Variants in SPECC1L observed in about 807,000 individuals in gnomAD.
The protein encoded by SPECC1L is sperm antigen with calponin homology and coiled-coil domains 1 like.
SPECC1L carries 40 observed loss-of-function variants against 116.8 expected under a neutral mutation model. The ratio of observed to expected loss-of-function variants is 0.34; its 90% CI spans 0.27 to 0.45. The LOEUF is 0.45. Ranked by LOEUF, SPECC1L falls within the 20% of genes least tolerant of loss-of-function variation. The pLI is 1.00. For missense variants in SPECC1L, 1,110 were observed against 1,373.6 expected, an observed-to-expected ratio of 0.81 and a Z score of 3.03; for synonymous variants, 504 against 500.6, an observed-to-expected ratio of 1.01 and a Z score of -0.09.
At chr22:24,355,446 C>T (rs774281950) in intron 11 of SPECC1L, among the ~76,000 whole-genome samples, 5 of 147,104 alleles carry the variant, frequency 3.4e-5, no homozygotes, top group African/African-American at 7.9e-5. Context: ...TGTCTGTCTA[C>T]CTACCTATCC....
chr22:24,377,616 C>T (rs1010345613), intron 14 of SPECC1L, among the ~76,000 whole-genome samples: 5 of 152,186 alleles, frequency 3.3e-5, no homozygotes, highest in Non-Finnish European at 5.9e-5. Flanking sequence ...AGAGGCAAGA[C>T]CCCATAGTTT....
At position 24,369,314 on chromosome 22, in the gene SPECC1L, C is replaced by T. The variant is rs1021029632; in HGVS notation, c.3081C>T (p.Gly1027=). Residue 1027 remains glycine, a synonymous_variant, in exon 14 of 17, where the codon GGC becomes GGT. Transcript: ENST00000314328. ...LLKWCQKKTE[G]YQNIDITNFS... is the part of the protein sequence containing the mutation. ...AGTGGTGTCAGAAGAAAACAGAAGG[C>T]TATCAGGTAATCATATGATTCTTTT... 2.5e-6 allele frequency: 4 copies of T among 1,611,352 alleles called. No homozygotes were observed. In the Admixed American group the frequency reaches 6.7e-5, roughly 27 times the overall value.
chr22:24,412,488 G>A, intron 15 of SPECC1L, 160 bp from the exon 16 acceptor site: 2 of 718,770 alleles, frequency 2.8e-6, no homozygotes, highest in Non-Finnish European at 5.0e-6. Flanking sequence ...AGGGTACTTG[G>A]TGCAGATGCA....
intron 13 of SPECC1L, among the ~76,000 whole-genome samples, chr22:24,366,561 T>TA (rs2041770580): frequency 6.6e-6 from 1 of 152,106 alleles, no homozygotes; most frequent in African/African-American, 2.4e-5. Context: ...GTAAATAAAT[T>TA]ATCATGTCTG....
intron 4 of SPECC1L, among the ~76,000 whole-genome samples, chr22:24,314,560 C>CT (rs1569416528): frequency 6.6e-6 from 1 of 152,106 alleles, no homozygotes; most frequent in Non-Finnish European, 1.5e-5. Context: ...CTTAAATCTT[C>CT]TTTTTTAAAA....
intron 6 of SPECC1L, among the ~76,000 whole-genome samples, chr22:24,327,719 C>T (rs905331663): frequency 6.6e-6 from 1 of 152,140 alleles, no homozygotes; most frequent in South Asian, 2.1e-4. Flanking sequence ...TTAGCTGGCA[C>T]ATTTATAAAT....
chr22:24,275,244 A>G (rs1278419258), intron 1 of SPECC1L, among the ~76,000 whole-genome samples: 2 of 152,258 alleles, frequency 1.3e-5, no homozygotes, highest in Non-Finnish European at 2.9e-5. Flanking sequence ...GTGCTGGTAC[A>G]GTGCTGGGCA....
At chr22:24,281,106 T>C (rs2048934846) in intron 2 of SPECC1L, among the ~76,000 whole-genome samples, 1 of 152,226 alleles carries the variant, frequency 6.6e-6, no homozygotes, top group African/African-American at 2.4e-5. Context: ...GAAACCATTT[T>C]TGTAATGTAA....
At chr22:24,281,587 A>G (rs1275868074) in intron 2 of SPECC1L, among the ~76,000 whole-genome samples, 2 of 152,208 alleles carry the variant, frequency 1.3e-5, no homozygotes, top group Non-Finnish European at 2.9e-5. Context: ...GTGAATTTCA[A>G]CTTCCCATTA....
At chr22:24,317,059 GA>G (rs1472850704) in intron 4 of SPECC1L, among the ~76,000 whole-genome samples, 1 of 122,030 alleles carries the variant, frequency 8.2e-6, no homozygotes, top group Non-Finnish European at 1.9e-5. Context: ...CTCCCTCCCG[GA>G]GGGGGTGGCT....
intron 14 of SPECC1L, among the ~76,000 whole-genome samples, chr22:24,383,299 A>G (rs1569443318): frequency 6.6e-6 from 1 of 152,206 alleles, no homozygotes. Context: ...AGGCATGACC[A>G]GGCACAGTGG....
At chr22:24,333,675 A>G (rs1435560707) in intron 8 of SPECC1L, among the ~76,000 whole-genome samples, 1 of 151,944 alleles carries the variant, frequency 6.6e-6, no homozygotes, top group Non-Finnish European at 1.5e-5. Context: ...GAGCCAGTAT[A>G]AATTAATATT....
At chr22:24,311,490 T>G (rs1331419083) in intron 3 of SPECC1L, among the ~76,000 whole-genome samples, 1 of 152,158 alleles carries the variant, frequency 6.6e-6, no homozygotes, top group Admixed American at 6.5e-5. Context: ...GGCCAGTTTT[T>G]GTGAACAGAA....
chr22:24,412,566 A>G, intron 15 of SPECC1L, 82 bp from the exon 16 acceptor site: 2 of 1,307,276 alleles, frequency 1.5e-6, no homozygotes, highest in South Asian at 2.4e-5. Flanking sequence ...CTTCAGATGC[A>G]TCTGTCCCAG....
intron 10 of SPECC1L, among the ~76,000 whole-genome samples, chr22:24,342,340 G>A (rs1401653115): frequency 6.6e-6 from 1 of 152,162 alleles, no homozygotes; most frequent in Non-Finnish European, 1.5e-5. Flanking sequence ...GTGAAGGGAA[G>A]CATGCACAGA....
chr22:24,295,059 A>C (rs530889051), intron 2 of SPECC1L, among the ~76,000 whole-genome samples: 1 of 151,638 alleles, frequency 6.6e-6, no homozygotes, highest in Non-Finnish European at 1.5e-5. Flanking sequence ...AAGTAAAGGA[A>C]ACTCTGGAGC....
At position 24,313,467 on chromosome 22, in the gene SPECC1L, G is replaced by A. The variant is rs778657478; in HGVS notation, c.307+1G>A. ...GAGAACAAATCCAAGATTAGCACAGGTAACGGTGACATTCAGTCTGAGACT... is the reference window on the plus strand; with the variant it reads ...GAGAACAAATCCAAGATTAGCACAGATAACGGTGACATTCAGTCTGAGACT... On this transcript the variant is annotated splice_donor_variant, in intron 4 of 16. Transcript: ENST00000314328. LOFTEE classifies it high-confidence loss of function. 1.9e-6 allele frequency: 3 copies of A among 1,613,886 alleles called. No individual in the cohort carries two copies. Among genetic ancestry groups the A allele is most frequent in the South Asian group, 1.1e-5 (1 of 91,064 alleles).
rs188080284 is a variant in SPECC1L, at chr22:24,284,154, A to T, written c.-38+7351A>T. Among the ~76,000 whole-genome samples, 64 of 152,048 alleles carry T rather than the reference A, an allele frequency of 4.2e-4. 1 individual carries two copies. The East Asian group carries it at 0.01, about 24-fold the overall frequency. On this transcript the variant is annotated intron_variant, in intron 2 of 16. Coordinates refer to ENST00000314328, the MANE Select transcript of SPECC1L (RefSeq NM_015330.6). ...ATTGCTCTTCTTTTTCATGTTTCTT[A>T]AAGTAGGAGCTGATTTGAGTCTTTT...
chr22:24,386,984 A>C (rs563887485), intron 14 of SPECC1L, among the ~76,000 whole-genome samples: 11 of 152,300 alleles, frequency 7.2e-5, no homozygotes, highest in Admixed American at 4.6e-4. Context: ...TAGACACAGA[A>C]AGCCTGATTT....
Sources: allele counts gnomAD v4.1 joint callset (sites outside exome capture counted in the v4.1 genomes callset), GRCh38; gene constraint gnomAD v4.1.1; transcripts MANE v1.5; gene names NCBI Gene and HGNC (gene_info 2026-07-23, HGNC 2026-07-21).